The following RAB21 variants were observed in gnomAD, a reference collection of about 807,000 sequenced individuals.
RAB21 encodes the protein ras-related protein Rab-21.
A neutral mutation model predicts 33.1 loss-of-function variants in RAB21; 13 were observed. The ratio of observed to expected loss-of-function variants is 0.39; its 90% confidence interval spans 0.26 to 0.62. The LOEUF (loss-of-function observed/expected upper bound fraction) is 0.62. Ranked by LOEUF, RAB21 falls within the 20% of genes least tolerant of loss-of-function variation. RAB21 has a pLI of 0.48. For missense variants in RAB21, 234 were observed against 279.1 expected (o/e 0.84, Z 1.15); for synonymous variants, 91 against 103.7 (o/e 0.88, Z 0.74).
intron 4 of RAB21, among the ~76,000 whole-genome samples, chr12:71,780,855 A>G (rs1026839285): frequency 2.0e-5 from 3 of 152,200 alleles, no homozygotes; most frequent in African/African-American, 4.8e-5. Flanking sequence ...AACCTTATTT[A>G]TAAGATTTCT....
At chr12:71,781,973 T>G in intron 4 of RAB21, 58 bp from the exon 5 acceptor site, 1 of 1,358,510 alleles carries the variant, frequency 7.4e-7, no homozygotes, top group Admixed American at 1.9e-5. Context: ...AGAATTGGCT[T>G]AATTTTGTTA....
intron 4 of RAB21, among the ~76,000 whole-genome samples, chr12:71,775,085 G>A (rs939494977): frequency 1.3e-5 from 2 of 152,164 alleles, no homozygotes; most frequent in Non-Finnish European, 2.9e-5. Flanking sequence ...TTCCTAATGG[G>A]TATAAAGGAA....
rs534070353 is a variant in RAB21, at chr12:71,772,510, T to G, written c.328-1449T>G. Among the ~76,000 whole-genome samples, 228 of 152,210 alleles carry G rather than the reference T, an allele frequency of 1.5e-3. 1 individual carries two copies. The highest frequency in any genetic ancestry group is 2.6e-3 in the Non-Finnish European group (179 of 68,006). On this transcript the variant is annotated intron_variant, in intron 3 of 6. Coordinates refer to ENST00000261263, the MANE Select transcript of RAB21 (RefSeq NM_014999.4). The stretch of plus-strand genomic sequence containing the variant: ...CCATCTCTAACTCAACAAAAATGTA[T>G]GGGGGTAAAGAATAGATAGAGTGCT...
chr12:71,773,937 A>T, intron 3 of RAB21, 22 bp from the exon 4 acceptor site: 1 of 1,533,322 alleles, frequency 6.5e-7, no homozygotes, highest in South Asian at 1.2e-5. Context: ...TTGTTTTAAT[A>T]TGTGCTCTTT....
intron 4 of RAB21, among the ~76,000 whole-genome samples, chr12:71,779,600 T>G (rs149951102): frequency 0.016 from 2,424 of 152,350 alleles, 59 homozygotes; most frequent in African/African-American, 0.055. Flanking sequence ...ATTCTAGTTC[T>G]ATATCATTAG....
In RAB21 at chr12:71,786,593, A is replaced by G. The variant is rs1192462249; in HGVS notation, c.*920A>G. 1 of 152,658 alleles carries G rather than the reference A, an allele frequency of 6.6e-6. No homozygotes were observed. Among genetic ancestry groups the G allele is most frequent in the Non-Finnish European group, 1.5e-5 (1 of 68,036 alleles). The allele number at this position is 152,658 out of a possible 1,614,324, so 9.5% of individuals were successfully genotyped here. A position where few individuals can be genotyped will look rare whatever the true frequency, so the allele number is the denominator to read the frequency against. ...ATCTGCTTTTACAAGCGCAAGGTGC[A>G]AAAATATATACAATAGTCTCATTGA... is the stretch of plus-strand genomic sequence containing the variant. On this transcript the variant is annotated 3_prime_UTR_variant, in exon 7 of 7. Transcript: ENST00000261263.
intron 3 of RAB21, among the ~76,000 whole-genome samples, chr12:71,773,440 G>T (rs1490792569): frequency 6.6e-6 from 1 of 152,156 alleles, no homozygotes; most frequent in Non-Finnish European, 1.5e-5. Flanking sequence ...TGCCAAGGTT[G>T]CAAAACCCTG....
At chr12:71,760,783 T>TA (rs1456205877) in intron 1 of RAB21, among the ~76,000 whole-genome samples, 1 of 152,108 alleles carries the variant, frequency 6.6e-6, no homozygotes, top group East Asian at 1.9e-4. Context: ...CCTTTCTTTT[T>TA]AGAGTCCCAA....
Position 71,785,888 on chromosome 12 carries a change from TG to T in RAB21, c.*216del, listed in dbSNP as rs1401059976. The T allele has an allele frequency of 1.5e-5, 8 of 544,340 alleles. No homozygotes were observed. The highest frequency in any genetic ancestry group is 1.3e-4 in the South Asian group (4 of 29,798). The allele number at this position is 544,340 out of a possible 1,614,324, so 33.7% of individuals were successfully genotyped here. On this transcript the variant is annotated 3_prime_UTR_variant, in exon 7 of 7. Transcript: ENST00000261263. ...GGCATTTTCTACAAATGTTTTTTTT[TG>T]TTTTTTTTTTGTTTTTTTTTGTTTT...
intron 1 of RAB21, among the ~76,000 whole-genome samples, chr12:71,764,086 GA>G (rs1286619024): frequency 6.6e-6 from 1 of 152,142 alleles, no homozygotes; most frequent in Non-Finnish European, 1.5e-5. Flanking sequence ...TATAGTCCTA[GA>G]ACCTTTTGAA....
intron 1 of RAB21, among the ~76,000 whole-genome samples, chr12:71,768,462 C>T (rs1415315193): frequency 1.3e-5 from 2 of 151,974 alleles, no homozygotes; most frequent in East Asian, 1.9e-4. Context: ...TTTTTAAACA[C>T]GTCAGCTGAC....
intron 4 of RAB21, among the ~76,000 whole-genome samples, chr12:71,775,781 C>T (rs1011277180): frequency 2.0e-5 from 3 of 152,128 alleles, no homozygotes; most frequent in East Asian, 1.9e-4. Context: ...ATGACCCACC[C>T]GCCTCAGCCT....
At position 71,791,558 on chromosome 12, in the gene RAB21, A is replaced by T. The variant is rs553914560; in HGVS notation, c.*5885A>T. 2 of 152,334 alleles carry T rather than the reference A, an allele frequency of 1.3e-5. No individual in the cohort carries two copies. Among genetic ancestry groups the T allele is most frequent in the South Asian group, 4.1e-4 (2 of 4,828 alleles). 9.4% of individuals were successfully genotyped at this position (152,334 alleles called of 1,614,324 possible). A position where few individuals can be genotyped will look rare whatever the true frequency, so the allele number is the denominator to read the frequency against. On this transcript the variant is annotated 3_prime_UTR_variant, in exon 7 of 7. Transcript: ENST00000261263. ...ACAAGATAAACTAAAACAAGTCTTT[A>T]TACAACTCTGACAGCAACTCCCATA...
At position 71,770,215 on chromosome 12, in the gene RAB21, C is replaced by T. The variant is rs576599374; in HGVS notation, c.219+356C>T. 9.8e-4 allele frequency among the ~76,000 whole-genome samples: 149 copies of T among 152,152 alleles called. 1 individual carries two copies. The highest frequency in any genetic ancestry group is 1.8e-3 in the Non-Finnish European group (121 of 68,018). On this transcript the variant is annotated intron_variant, in intron 2 of 6. Transcript: ENST00000261263. ...CTTCTTGACTGGTGATCTTGATGCACGTGCCATTTCCCTGTCTCTCCCAGT... is the reference window on the plus strand; with the variant it reads ...CTTCTTGACTGGTGATCTTGATGCATGTGCCATTTCCCTGTCTCTCCCAGT...
intron 4 of RAB21, among the ~76,000 whole-genome samples, chr12:71,781,143 A>G (rs1241753270): frequency 6.6e-6 from 1 of 152,194 alleles, no homozygotes; most frequent in Non-Finnish European, 1.5e-5. Flanking sequence ...TTAAGTTTTA[A>G]TAACTCACTA....
At chr12:71,757,036 A>G (rs559872892) in intron 1 of RAB21, among the ~76,000 whole-genome samples, 5 of 152,216 alleles carry the variant, frequency 3.3e-5, no homozygotes, top group African/African-American at 4.8e-5. Flanking sequence ...ACCTCGGTAT[A>G]TTGATAAATA....
At position 71,797,333 on chromosome 12, in the gene RAB21, A is replaced by G. The variant is rs1235101370; in HGVS notation, c.*11660A>G. ...TTCATCACAGAAATAAAAAGCTTTC[A>G]TTTATAAAAACAACAGCCAGTTAGA... On this transcript the variant is annotated 3_prime_UTR_variant, in exon 7 of 7. Transcript: ENST00000261263. 1 of 152,136 alleles carries G rather than the reference A, an allele frequency of 6.6e-6. No individual in the cohort carries two copies. The highest frequency in any genetic ancestry group is 6.5e-5 in the Admixed American group (1 of 15,274). The allele number at this position is 152,136 out of a possible 1,614,324, so 9.4% of individuals were successfully genotyped here.
chr12:71,766,694 G>C (rs1024440676), intron 1 of RAB21, among the ~76,000 whole-genome samples: 2 of 152,054 alleles, frequency 1.3e-5, no homozygotes, highest in African/African-American at 2.4e-5. Context: ...TGTGTGCATT[G>C]CGTGCATGAG....
At chr12:71,758,787 A>G (rs1882827789) in intron 1 of RAB21, among the ~76,000 whole-genome samples, 1 of 151,924 alleles carries the variant, frequency 6.6e-6, no homozygotes, top group South Asian at 2.1e-4. Flanking sequence ...CCCTTTCACT[A>G]TTTTGAATCT....
Sources: allele counts gnomAD v4.1 joint callset (sites outside exome capture counted in the v4.1 genomes callset), GRCh38; gene constraint gnomAD v4.1.1; transcripts MANE v1.5; gene names NCBI Gene and HGNC (gene_info 2026-07-23, HGNC 2026-07-21).